ELOVL7: variants seen among roughly 807,000 people sequenced by gnomAD.
ELOVL7 encodes the protein ELOVL fatty acid elongase 7.
ELOVL7 carries 27 observed loss-of-function variants against 35.7 expected under a neutral mutation model. The ratio of observed to expected loss-of-function variants is 0.76; its 90% CI spans 0.56 to 1.04. The LOEUF is 1.04. ELOVL7 is among the 50% of genes least tolerant of loss of function. ELOVL7 has a pLI of 0.00. For missense variants in ELOVL7, 327 were observed against 340.8 expected, an observed-to-expected ratio of 0.96 and a Z score of 0.32; for synonymous variants, 113 against 114.6, an observed-to-expected ratio of 0.99 and a Z score of 0.09.
intron 1 of ELOVL7, among the ~76,000 whole-genome samples, chr5:60,838,062 G>A (rs1204291483): frequency 6.6e-6 from 1 of 152,218 alleles, no homozygotes; most frequent in Admixed American, 6.5e-5. Context: ...GCGCCAGAGA[G>A]ATTCAAATCT....
chr5:60,799,325 A>G (rs1038954231), intron 1 of ELOVL7, 95 bp from the exon 2 acceptor site: 5 of 152,108 alleles, frequency 3.3e-5, no homozygotes, highest in African/African-American at 1.2e-4. Flanking sequence ...AAGCAAGAAA[A>G]CAATATAGAT....
At chr5:60,834,654 A>C (rs978470450) in intron 1 of ELOVL7, among the ~76,000 whole-genome samples, 7 of 151,978 alleles carry the variant, frequency 4.6e-5, no homozygotes, top group African/African-American at 1.7e-4. Flanking sequence ...ATGATATAAA[A>C]TAAGAAGTAT....
intron 1 of ELOVL7, among the ~76,000 whole-genome samples, chr5:60,825,797 G>A (rs368714692): frequency 1.3e-5 from 2 of 152,204 alleles, no homozygotes; most frequent in African/African-American, 4.8e-5. Flanking sequence ...AGTAACAGGA[G>A]CCAATAGAAA....
At position 60,814,378 on chromosome 5, in the gene ELOVL7, T is replaced by C. The variant is rs561661054; in HGVS notation, c.-85-15148A>G. Among the ~76,000 whole-genome samples, 19 of 152,210 alleles carry C rather than the reference T, an allele frequency of 1.2e-4. No individual in the cohort carries two copies. In the South Asian group the frequency reaches 1.7e-3, roughly 13 times the overall value. On this transcript the variant is annotated intron_variant, in intron 1 of 8. Transcript: ENST00000508821. ...GGTGTTAACAGATTCTGTGAGGAGA[T>C]TGCAGAGTTTTCTTGAAACAAAGGG...
At chr5:60,829,414 A>G (rs1380755214) in intron 1 of ELOVL7, among the ~76,000 whole-genome samples, 1 of 152,202 alleles carries the variant, frequency 6.6e-6, no homozygotes, top group African/African-American at 2.4e-5. Context: ...TAAAGTCAGC[A>G]TATATTATTA....
chr5:60,825,560 C>G (rs533813281), intron 1 of ELOVL7, among the ~76,000 whole-genome samples: 2 of 152,288 alleles, frequency 1.3e-5, no homozygotes, highest in South Asian at 2.1e-4. Context: ...GCACTCTTAC[C>G]TCTCTGGCAC....
intron 3 of ELOVL7, among the ~76,000 whole-genome samples, chr5:60,777,980 TGACA>T (rs1561434982): frequency 6.6e-6 from 1 of 152,234 alleles, no homozygotes; most frequent in Non-Finnish European, 1.5e-5. Flanking sequence ...AAAAGTTTGA[TGACA>T]GACACTTTTC....
At chr5:60,808,203 G>GA (rs1010875302) in intron 1 of ELOVL7, among the ~76,000 whole-genome samples, 287 of 143,084 alleles carry the variant, frequency 2.0e-3, no homozygotes, top group African/African-American at 5.4e-3. Context: ...TAAACTAATA[G>GA]AAAAAAAAAA....
In ELOVL7 at chr5:60,752,997, C is replaced by G. The variant is rs1199253753; in HGVS notation, c.*1627G>C. 4.6e-5 allele frequency: 7 copies of G among 151,830 alleles called. No individual in the cohort carries two copies. The highest frequency in any genetic ancestry group is 3.9e-4 in the Admixed American group (6 of 15,252). 9.4% of individuals were successfully genotyped at this position (151,830 alleles called of 1,614,324 possible). On this transcript the variant is annotated 3_prime_UTR_variant, in exon 9 of 9. Coordinates refer to ENST00000508821, the MANE Select transcript of ELOVL7 (RefSeq NM_024930.3). ...ATATGTAATTACTCCCATTTATCAACCTTTACCTTCTCATGCTGTAATCAA... is the reference window on the plus strand; with the variant it reads ...ATATGTAATTACTCCCATTTATCAAGCTTTACCTTCTCATGCTGTAATCAA...
At chr5:60,804,335 A>G (rs1744809574) in intron 1 of ELOVL7, among the ~76,000 whole-genome samples, 1 of 152,120 alleles carries the variant, frequency 6.6e-6, no homozygotes, top group Non-Finnish European at 1.5e-5. Flanking sequence ...ATAATTGGAG[A>G]GACAGGGCAA....
intron 3 of ELOVL7, among the ~76,000 whole-genome samples, chr5:60,772,975 A>G (rs764425305): frequency 2.6e-5 from 4 of 152,200 alleles, no homozygotes; most frequent in Non-Finnish European, 5.9e-5. Flanking sequence ...CTAAGTAGCT[A>G]AAGTATGGGA....
At position 60,756,839 on chromosome 5, in the gene ELOVL7, T is replaced by C. The variant is rs1158366647; in HGVS notation, c.636+670A>G. ...ATGCAAGGGTGGCAGATTTCTCCTT[T>C]TAATAGACACCAATAAAATGTAAAG... On this transcript the variant is annotated intron_variant, in intron 8 of 8. Transcript: ENST00000508821. 5.3e-5 allele frequency among the ~76,000 whole-genome samples: 8 copies of C among 152,164 alleles called. No homozygotes were observed. In the East Asian group the frequency reaches 1.5e-3, roughly 29 times the overall value.
intron 1 of ELOVL7, among the ~76,000 whole-genome samples, chr5:60,826,261 C>T (rs1486518330): frequency 6.6e-6 from 1 of 152,084 alleles, no homozygotes; most frequent in African/African-American, 2.4e-5. Flanking sequence ...ATTTATCCAG[C>T]CTCATCTTCT....
intron 1 of ELOVL7, among the ~76,000 whole-genome samples, chr5:60,807,934 G>A (rs1006110838): frequency 6.4e-5 from 9 of 141,532 alleles, no homozygotes; most frequent in Non-Finnish European, 1.1e-4. Context: ...GGGAGGCAGA[G>A]GCTGCAGTGA....
chr5:60,815,567 A>AATTTATTTATTTTATAAATAAATAAC (rs1745470843), intron 1 of ELOVL7, among the ~76,000 whole-genome samples: 1 of 149,112 alleles, frequency 6.7e-6, no homozygotes. Context: ...AAATAAATAA[A>AATTTATTTATTTTATAAATAAATAAC]ATTTATTTAT....
At chr5:60,799,930 G>A (rs368642091) in intron 1 of ELOVL7, among the ~76,000 whole-genome samples, 162 of 151,562 alleles carry the variant, frequency 1.1e-3, no homozygotes, top group African/African-American at 3.2e-3. Context: ...CCAGCTACTC[G>A]GGAGGCTGAG....
At chr5:60,824,866 AT>A (rs1305989197) in intron 1 of ELOVL7, among the ~76,000 whole-genome samples, 4 of 152,112 alleles carry the variant, frequency 2.6e-5, no homozygotes, top group African/African-American at 9.7e-5. Context: ...CTCACTCACA[AT>A]AAAAGTCAAA....
Position 60,766,609 on chromosome 5 carries a change from A to G in ELOVL7, c.358T>C (p.Tyr120His). The change falls in exon 6 of 9, where the codon TAT (tyrosine) becomes CAT (histidine). Residue 120 changes from tyrosine (Y) to histidine (H), a missense_variant. By Grantham distance (83) the Tyr-to-His change is moderately conservative. Transcript: ENST00000508821. ...AGCTCAATAAATTTGGAGAAGTAAT[A>G]AAGCCAGCAGGTACGTGCCATCTGC... ...ALRMARTCWL[Y>H]YFSKFIELLD... is the part of the protein sequence containing the mutation. 6.2e-7 allele frequency: 1 copy of G among 1,613,310 alleles called. No individual in the cohort carries two copies. The highest frequency in any genetic ancestry group is 8.5e-7 in the Non-Finnish European group (1 of 1,179,628).
chr5:60,832,894 C>T (rs996093609), intron 1 of ELOVL7, among the ~76,000 whole-genome samples: 2 of 152,144 alleles, frequency 1.3e-5, no homozygotes, highest in Non-Finnish European at 2.9e-5. Flanking sequence ...TAAAATAATA[C>T]AGTTTTTTCT....
Sources: gnomAD v4.1 joint callset for allele counts (sites outside exome capture counted in the v4.1 genomes callset) on GRCh38, gnomAD v4.1.1 for gene constraint, MANE v1.5 for transcripts, NCBI Gene and HGNC (gene_info 2026-07-23, HGNC 2026-07-21) for gene names.